Variants in MDK observed in about 807,000 individuals in gnomAD.
MDK encodes midkine, also known as amphiregulin-associated protein.
Under a neutral mutation model 18.9 loss-of-function variants are expected in MDK, and 17 were observed. The ratio of observed to expected loss-of-function variants is 0.90; its 90% CI spans 0.62 to 1.35. The LOEUF (loss-of-function observed/expected upper bound fraction) is 1.35, where lower values mean the gene tolerates loss of function less well. Ranked by LOEUF, MDK falls within the 40% of genes most tolerant of loss-of-function variation. The pLI is 0.00. For missense variants in MDK, 180 were observed against 186.3 expected, an observed-to-expected ratio of 0.97 and a Z score of 0.20; for synonymous variants, 86 against 74.3, an observed-to-expected ratio of 1.16 and a Z score of -0.81.
chr11:46,380,877 G>C (rs1044082985), upstream of MDK: 8 of 152,282 alleles, frequency 5.3e-5, no homozygotes, highest in Non-Finnish European at 1.0e-4. Context: ...CCAGGCCTCG[G>C]GGGCTCTCCC....
intron 2 of MDK, 36 bp downstream of exon 2, chr11:46,382,169 G>A (rs1408700638): frequency 1.1e-5 from 17 of 1,608,218 alleles, no homozygotes; most frequent in Non-Finnish European, 1.4e-5. Context: ...CTGGGGACGG[G>A]CAGGCGAGGC....
intron 4 of MDK, 141 bp downstream of exon 4, chr11:46,382,889 C>T: frequency 3.0e-6 from 3 of 1,004,286 alleles, no homozygotes; most frequent in Non-Finnish European, 4.5e-6. Flanking sequence ...CTTGGCTTCC[C>T]TGCCTGGAAA....
At chr11:46,381,275 G>C (rs891163434), upstream of MDK, 1 of 152,128 alleles carries the variant, frequency 6.6e-6, no homozygotes, top group East Asian at 1.9e-4. Flanking sequence ...ACAGGCGCCG[G>C]GGCTCCGCGG....
intron 1 of MDK, 45 bp downstream of exon 1, chr11:46,381,803 AGGGGCTG>A: frequency 4.2e-6 from 1 of 238,406 alleles, no homozygotes; most frequent in African/African-American, 1.3e-4. Flanking sequence ...CGGCCGATCT[AGGGGCTG>A]GGGGCTGGAG....
rs1740267782 is a variant in MDK at position 46,382,569 on chromosome 11, G to A, written c.245-18G>A. The A allele has an allele frequency of 6.2e-7, 1 of 1,600,108 alleles. No individual in the cohort carries two copies. The highest frequency in any genetic ancestry group is 1.3e-5 in the African/African-American group (1 of 74,566). On this transcript the variant is annotated intron_variant, in intron 3 of 4. Coordinates refer to ENST00000395566, the MANE Select transcript of MDK (RefSeq NM_002391.6). ...GCCGCGGGCCGCGCAGCGCTGACCT[G>A]GGCCGCTCTCTCGCCAGCCGACTGC...
chr11:46,380,830 G>A (rs1945138552), upstream of MDK: 1 of 152,256 alleles, frequency 6.6e-6, no homozygotes, highest in African/African-American at 2.4e-5. Context: ...CGGGTTCTGT[G>A]GCCCATTTGC....
upstream of MDK, chr11:46,381,364 G>A (rs1213767786): frequency 6.5e-6 from 1 of 153,142 alleles, no homozygotes. Flanking sequence ...GGGGCAGCGG[G>A]CGGCGGCGCA....
chr11:46,382,274 CTG>C lies in MDK; in HGVS notation c.77-18_77-17del, dbSNP rs1565100685. 3 of 1,606,526 alleles carry C rather than the reference CTG, an allele frequency of 1.9e-6. No individual in the cohort carries two copies. The South Asian group carries it at 3.3e-5, about 18-fold the overall frequency. On this transcript the variant is annotated intron_variant, in intron 2 of 4. Transcript: ENST00000395566. ...TCTCCCCGTGCCCCAGTCCTGAACT[CTG>C]TTCCTCGCGCGTTGTAGATAAGGTG... is the stretch of plus-strand genomic sequence containing the variant.
Position 46,383,514 on chromosome 11 carries a change from A to G in MDK, c.*20A>G, listed in dbSNP as rs1216872446. 12 of 1,612,518 alleles carry G rather than the reference A, an allele frequency of 7.4e-6. No individual in the cohort carries two copies. Among genetic ancestry groups the G allele is most frequent in the East Asian group, 2.2e-5 (1 of 44,894 alleles). ...GACTAGACGCCAAGCCTGGATGCCA[A>G]GGAGCCCCTGGTGTCACATGGGGCC... On this transcript the variant is annotated 3_prime_UTR_variant, in exon 5 of 5. Transcript: ENST00000395566.
In MDK at chr11:46,382,668, A is replaced by C; in HGVS notation, c.326A>C (p.Lys109Thr). 1.2e-6 allele frequency: 2 copies of C among 1,612,988 alleles called. No individual in the cohort carries two copies. The highest frequency in any genetic ancestry group is 2.2e-5 in the East Asian group (1 of 44,818). The change falls in exon 4 of 5, where the codon AAG becomes ACG. Residue 109 changes from lysine (K) to threonine (T), a missense_variant. By Grantham distance (78) the Lys-to-Thr change is moderately conservative (BLOSUM62 -1). Coordinates refer to ENST00000395566, the MANE Select transcript of MDK (RefSeq NM_002391.6). ...AAAGTCCGCCAAGGCACCCTGAAGAAGGCGCGCTACAATGCTCAGTGCCAG... is the reference window on the plus strand; with the variant it reads ...AAAGTCCGCCAAGGCACCCTGAAGACGGCGCGCTACAATGCTCAGTGCCAG... ...GTKVRQGTLK[K>T]ARYNAQCQET...
Position 46,382,046 on chromosome 11 carries a change from T to A in MDK, c.-1-11T>A. The stretch of plus-strand genomic sequence containing the variant: ...ACGGGCCAGGGATTCAGACTCGGGC[T>A]CTCCCCTCAGGATGCAGCACCGAGG... On this transcript the variant is annotated splice_polypyrimidine_tract_variant and intron_variant, in intron 1 of 4. Coordinates refer to ENST00000395566, the MANE Select transcript of MDK (RefSeq NM_002391.6). The A allele has an allele frequency of 6.2e-7, 1 of 1,601,024 alleles. No homozygotes were observed. Among genetic ancestry groups the A allele is most frequent in the Middle Eastern group, 1.8e-4 (1 of 5,572 alleles).
intron 4 of MDK, chr11:46,383,240 C>T (rs550026665): frequency 3.4e-5 from 17 of 501,558 alleles, no homozygotes; most frequent in African/African-American, 2.9e-4. Context: ...AGGACTAGGA[C>T]TGGAAACTTG....
At chr11:46,383,446 A>C (rs747668187) in intron 4 of MDK, 23 bp from the exon 5 acceptor site, 1 of 1,573,466 alleles carries the variant, frequency 6.4e-7, no homozygotes, top group Non-Finnish European at 8.6e-7. Context: ...ATATGGTATT[A>C]ATATTTCTTT....
rs749727193 is a variant in MDK, at chr11:46,382,583, C to A, written c.245-4C>A. The A allele has an allele frequency of 3.1e-6, 5 of 1,606,922 alleles. No homozygotes were observed. Among genetic ancestry groups the A allele is most frequent in the Non-Finnish European group, 4.2e-6 (5 of 1,176,620 alleles). Reference sequence around the variant, plus strand: ...AGCGCTGACCTGGGCCGCTCTCTCGCCAGCCGACTGCAAGTACAAGTTTGA... The same window carrying A: ...AGCGCTGACCTGGGCCGCTCTCTCGACAGCCGACTGCAAGTACAAGTTTGA... On this transcript the variant is annotated splice_polypyrimidine_tract_variant and splice_region_variant and intron_variant, in intron 3 of 4. Coordinates refer to ENST00000395566, the MANE Select transcript of MDK (RefSeq NM_002391.6).
At chr11:46,382,024 G>C (rs1945202154) in intron 1 of MDK, 33 bp from the exon 2 acceptor site, 2 of 1,576,252 alleles carry the variant, frequency 1.3e-6, no homozygotes, top group East Asian at 2.3e-5. Context: ...GAAGGGGACG[G>C]GCCAGGGATT....
intron 3 of MDK, 39 bp from the exon 4 acceptor site, chr11:46,382,548 C>G (rs1402730313): frequency 1.3e-6 from 2 of 1,572,940 alleles, no homozygotes; most frequent in East Asian, 2.3e-5. Flanking sequence ...GGCGGGGCCG[C>G]GGGCCGCGCA....
In MDK at chr11:46,382,464, G is replaced by T; in HGVS notation, c.244+3G>T. ...CAACTGGAAGAAGGAGTTTGGAGGT[G>T]AGGCGGGGCGCAGTCAGAGGGCAGG... On this transcript the variant is annotated splice_donor_region_variant and intron_variant, in intron 3 of 4. Transcript: ENST00000395566. The T allele has an allele frequency of 6.6e-7, 1 of 1,520,784 alleles. No individual in the cohort carries two copies. Among genetic ancestry groups the T allele is most frequent in the African/African-American group, 1.4e-5 (1 of 72,752 alleles). The allele number at this position is 1,520,784 out of a possible 1,614,324, so 94.2% of individuals were successfully genotyped here.
At chr11:46,382,167 G>T in intron 2 of MDK, 34 bp downstream of exon 2, 1 of 1,608,478 alleles carries the variant, frequency 6.2e-7, no homozygotes, top group Non-Finnish European at 8.5e-7. Flanking sequence ...GGCTGGGGAC[G>T]GGCAGGCGAG....
In MDK at chr11:46,383,793, T is replaced by TC. The variant is rs988685658; in HGVS notation, c.*305dup. The TC allele has an allele frequency of 2.1e-6, 1 of 481,242 alleles. No homozygotes were observed. Among genetic ancestry groups the TC allele is most frequent in the Non-Finnish European group, 3.9e-6 (1 of 258,214 alleles). 29.8% of individuals were successfully genotyped at this position (481,242 alleles called of 1,614,324 possible). On this transcript the variant is annotated 3_prime_UTR_variant, in exon 5 of 5. Coordinates refer to ENST00000395566, the MANE Select transcript of MDK (RefSeq NM_002391.6). ...AAACACATCAAATAAACTGACTTTT[T>TC]CCCCCCAATAAAAGCTCTTCTTTTT...
Sources: gnomAD v4.1 joint callset for allele counts on GRCh38, gnomAD v4.1.1 for gene constraint, MANE v1.5 for transcripts, NCBI Gene and HGNC (gene_info 2026-07-23, HGNC 2026-07-21) for gene names.